The following ZNF423 variants were observed in gnomAD, a reference collection of about 807,000 sequenced individuals.
ZNF423 encodes zinc finger protein 423.
ZNF423 carries 12 observed loss-of-function variants against 95.8 expected under a neutral mutation model. The ratio of observed to expected loss-of-function variants is 0.13; its 90% CI spans 0.08 to 0.20. The LOEUF is 0.20. Ranked by LOEUF, ZNF423 falls within the 10% of genes least tolerant of loss-of-function variation. ZNF423 has a pLI of 1.00. For missense variants in ZNF423, 1,316 were observed against 1,737.1 expected, an observed-to-expected ratio of 0.76 and a Z score of 4.31; for synonymous variants, 749 against 711.9, an observed-to-expected ratio of 1.05 and a Z score of -0.83.
chr16:49,683,484 A>G (rs2031446510), intron 3 of ZNF423, among the ~76,000 whole-genome samples: 1 of 152,192 alleles, frequency 6.6e-6, no homozygotes, highest in Admixed American at 6.5e-5. Context: ...TGACACCCAG[A>G]GGACAAAGGA....
intron 1 of ZNF423, among the ~76,000 whole-genome samples, chr16:49,809,172 G>C (rs2034712215): frequency 6.6e-6 from 1 of 152,250 alleles, no homozygotes; most frequent in Non-Finnish European, 1.5e-5. Context: ...TCGAATGGCG[G>C]AGAGATGGGC....
rs78408171 is a variant in ZNF423 at position 49,746,882 on chromosome 16, T to C, written c.101-15911A>G. Among the ~76,000 whole-genome samples the C allele has an allele frequency of 5.2e-4, 79 of 152,304 alleles. 1 individual carries two copies. The East Asian group carries it at 0.014, about 26-fold the overall frequency. On this transcript the variant is annotated intron_variant, in intron 2 of 7. Transcript: ENST00000563137. ...AGCACCTCACGGTGCCCAGCAGTGC[T>C]CAGCAGTTGTGGCACCCCTAGCCGT... is the stretch of plus-strand genomic sequence containing the variant.
At chr16:49,730,727 C>T (rs891484011) in intron 3 of ZNF423, 44 bp downstream of exon 3, 1 of 1,602,294 alleles carries the variant, frequency 6.2e-7, no homozygotes, top group South Asian at 1.1e-5. Context: ...TGTCCAATTA[C>T]CCGTGTAACC....
chr16:49,579,044 T>C (rs940770812), intron 5 of ZNF423, among the ~76,000 whole-genome samples: 2 of 152,150 alleles, frequency 1.3e-5, no homozygotes, highest in Non-Finnish European at 2.9e-5. Flanking sequence ...CTTTTTTAGA[T>C]TCCTCCATGT....
intron 4 of ZNF423, among the ~76,000 whole-genome samples, chr16:49,631,464 A>G (rs1171307467): frequency 6.7e-6 from 1 of 149,436 alleles, no homozygotes; most frequent in Non-Finnish European, 1.5e-5. Flanking sequence ...CCCCACTAGG[A>G]GATATAATTA....
chr16:49,842,400 G>GGAAA (rs1402982336), intron 1 of ZNF423, among the ~76,000 whole-genome samples: 2 of 125,242 alleles, frequency 1.6e-5, no homozygotes, highest in Non-Finnish European at 3.5e-5. Flanking sequence ...AAGGAAGGAA[G>GGAAA]GAAGGAAGGA....
chr16:49,746,740 G>A (rs1031306291), intron 2 of ZNF423, among the ~76,000 whole-genome samples: 1 of 152,144 alleles, frequency 6.6e-6, no homozygotes, highest in Non-Finnish European at 1.5e-5. Flanking sequence ...CCAAAGTGCT[G>A]CGGTTACAGG....
intron 5 of ZNF423, among the ~76,000 whole-genome samples, chr16:49,575,236 A>G (rs1343429151): frequency 6.6e-6 from 1 of 152,124 alleles, no homozygotes; most frequent in Non-Finnish European, 1.5e-5. Flanking sequence ...TGCTTTCAAC[A>G]CATTTTTTTT....
intron 3 of ZNF423, among the ~76,000 whole-genome samples, chr16:49,642,188 T>C (rs373578757): frequency 6.6e-6 from 1 of 152,164 alleles, no homozygotes; most frequent in Non-Finnish European, 1.5e-5. Context: ...ACAACAACCA[T>C]ATCTGGCTGT....
intron 1 of ZNF423, among the ~76,000 whole-genome samples, chr16:49,796,519 C>A (rs1034390627): frequency 1.3e-5 from 2 of 152,202 alleles, no homozygotes; most frequent in Non-Finnish European, 2.9e-5. Context: ...GGGGCCCAGA[C>A]AGGGCTGGGG....
intron 2 of ZNF423, among the ~76,000 whole-genome samples, chr16:49,785,250 T>C (rs1008713555): frequency 3.9e-5 from 6 of 152,036 alleles, no homozygotes; most frequent in Non-Finnish European, 1.5e-5. Context: ...GGCTATTTTG[T>C]TTTTATTCTT....
chr16:49,839,692 C>A (rs1335652654), intron 1 of ZNF423, among the ~76,000 whole-genome samples: 3 of 152,188 alleles, frequency 2.0e-5, no homozygotes, highest in Non-Finnish European at 2.9e-5. Flanking sequence ...AGAACAGAGC[C>A]GGGCCCCACC....
chr16:49,573,125 G>C (rs1246594441), intron 5 of ZNF423, among the ~76,000 whole-genome samples: 1 of 152,138 alleles, frequency 6.6e-6, no homozygotes, highest in African/African-American at 2.4e-5. Context: ...ATGATGGGTG[G>C]ATGAATGGAC....
upstream of ZNF423, among the ~76,000 whole-genome samples, chr16:49,857,097 G>A (rs2035379877): frequency 6.6e-6 from 1 of 150,540 alleles, no homozygotes; most frequent in Admixed American, 6.6e-5. The surrounding 1 kb of genome is among the most constrained non-coding windows in gnomAD (Gnocchi z 6.2). Flanking sequence ...GCACTGCAGA[G>A]ACACATAATA....
chr16:49,678,956 A>G (rs946890431), intron 3 of ZNF423, among the ~76,000 whole-genome samples: 2 of 152,212 alleles, frequency 1.3e-5, no homozygotes, highest in Non-Finnish European at 2.9e-5. Flanking sequence ...CACTGCCCTG[A>G]GCCTATCAGG....
At chr16:49,743,740 A>G (rs2033463045) in intron 2 of ZNF423, among the ~76,000 whole-genome samples, 1 of 151,652 alleles carries the variant, frequency 6.6e-6, no homozygotes, top group Non-Finnish European at 1.5e-5. Context: ...TCCTCCTACC[A>G]ACGAGCCTCC....
intron 2 of ZNF423, among the ~76,000 whole-genome samples, chr16:49,744,845 C>T (rs1352034186): frequency 1.3e-5 from 2 of 152,234 alleles, no homozygotes; most frequent in African/African-American, 4.8e-5. Context: ...CCCCAGGCTC[C>T]TCCTCAAACC....
At position 49,797,709 on chromosome 16, in the gene ZNF423, T is replaced by G. The variant is rs1484782031; in HGVS notation, c.41-8163A>C. Among the ~76,000 whole-genome samples the G allele has an allele frequency of 2.6e-5, 4 of 152,358 alleles. 1 individual carries two copies. The South Asian group carries it at 8.3e-4, about 32-fold the overall frequency. On this transcript the variant is annotated intron_variant, in intron 1 of 7. Transcript: ENST00000563137. ...CAGTCACATCACAATCACCTTTGTTTAACTCCCGTGATTCACCCTGACCAC... is the reference window on the plus strand; with the variant it reads ...CAGTCACATCACAATCACCTTTGTTGAACTCCCGTGATTCACCCTGACCAC...
At chr16:49,563,241 T>C (rs1254271713) in intron 5 of ZNF423, among the ~76,000 whole-genome samples, 2 of 152,184 alleles carry the variant, frequency 1.3e-5, no homozygotes, top group East Asian at 1.9e-4. Flanking sequence ...GTTCTTGTTC[T>C]GTTAGTTCCC....
Sources: gnomAD v4.1 joint callset for allele counts (sites outside exome capture counted in the v4.1 genomes callset) on GRCh38, gnomAD v4.1.1 for gene constraint, Gnocchi (gnomAD v3.1) non-coding constraint, MANE v1.5 for transcripts, NCBI Gene and HGNC (gene_info 2026-07-23, HGNC 2026-07-21) for gene names.